UST: variants seen among roughly 807,000 people sequenced by gnomAD.
The protein encoded by UST is chondroitin sulfate 2-O-sulfotransferase.
Under a neutral mutation model 45.6 loss-of-function variants are expected in UST, and 21 were observed. The observed-to-expected ratio is 0.46, with a 90% CI of 0.33 to 0.66. UST has a LOEUF of 0.66. Ranked by LOEUF, UST falls within the 30% of genes least tolerant of loss-of-function variation. The probability of loss-of-function intolerance (pLI) is 0.02; values close to 1 mark genes in which losing one functional copy is unlikely to be tolerated. For synonymous variants in UST, 215 were observed against 200.6 expected (o/e 1.07, Z -0.61); for missense variants, 463 against 512.4 (o/e 0.90, Z 0.93).
At chr6:148,781,362 T>C (rs950357934) in intron 1 of UST, among the ~76,000 whole-genome samples, 1 of 152,126 alleles carries the variant, frequency 6.6e-6, no homozygotes, top group Non-Finnish European at 1.5e-5. Flanking sequence ...CAACATTGCG[T>C]TAAGCCAAAG....
chr6:149,069,929 C>A (rs922651471), intron 7 of UST, among the ~76,000 whole-genome samples: 3 of 152,182 alleles, frequency 2.0e-5, no homozygotes, highest in Non-Finnish European at 2.9e-5. Flanking sequence ...CACTTGCTGT[C>A]CATTGTTTTT....
intron 1 of UST, among the ~76,000 whole-genome samples, chr6:148,795,670 G>C (rs901598893): frequency 1.3e-5 from 2 of 152,146 alleles, no homozygotes; most frequent in Non-Finnish European, 2.9e-5. Context: ...GCGTGGGTCT[G>C]TAGTCCATGG....
chr6:148,752,247 A>G (rs914828509), intron 1 of UST, among the ~76,000 whole-genome samples: 1 of 152,240 alleles, frequency 6.6e-6, no homozygotes, highest in Admixed American at 6.5e-5. Flanking sequence ...TATCTGTTAC[A>G]AAATAGTTTC....
chr6:148,818,534 T>A (rs1209806292), intron 1 of UST, among the ~76,000 whole-genome samples: 1 of 152,240 alleles, frequency 6.6e-6, no homozygotes, highest in African/African-American at 2.4e-5. Flanking sequence ...AACATTTTAA[T>A]GAGCCAGTGT....
chr6:149,028,057 T>C (rs952892217), intron 7 of UST, among the ~76,000 whole-genome samples: 1 of 152,096 alleles, frequency 6.6e-6, no homozygotes, highest in Non-Finnish European at 1.5e-5. Flanking sequence ...TTCATCAGGC[T>C]GGTCTTGAAC....
chr6:148,850,447 A>G (rs1420089597), intron 1 of UST, among the ~76,000 whole-genome samples: 1 of 152,228 alleles, frequency 6.6e-6, no homozygotes, highest in Admixed American at 6.5e-5. Flanking sequence ...AGAGCAAACT[A>G]ATCAAAAAAG....
intron 1 of UST, among the ~76,000 whole-genome samples, chr6:148,831,067 A>G (rs1226242200): frequency 7.0e-6 from 1 of 142,842 alleles, no homozygotes; most frequent in African/African-American, 2.6e-5. Context: ...AAGAAAGAAA[A>G]GGGGGGGGTG....
chr6:148,903,850 G>C (rs1006092478), intron 2 of UST, among the ~76,000 whole-genome samples: 1 of 152,202 alleles, frequency 6.6e-6, no homozygotes, highest in Non-Finnish European at 1.5e-5. Context: ...AGCCCAAAGA[G>C]GCTGTCAAAG....
chr6:149,006,747 G>A (rs530663424), intron 5 of UST, among the ~76,000 whole-genome samples: 75 of 152,202 alleles, frequency 4.9e-4, no homozygotes, highest in African/African-American at 1.7e-3. Flanking sequence ...CCACAGCCTC[G>A]CCAGCAACTG....
At position 148,780,748 on chromosome 6, in the gene UST, C is replaced by T. The variant is rs570513210; in HGVS notation, c.247+33071C>T. On this transcript the variant is annotated intron_variant, in intron 1 of 7. Transcript: ENST00000367463. ...TTGTGAATAGTCAGCACCATTTTTT[C>T]TGATAACATATGCTTACTTAGTGCC... is the stretch of plus-strand genomic sequence containing the variant. Among the ~76,000 whole-genome samples the T allele has an allele frequency of 5.2e-3, 791 of 152,224 alleles. 4 individuals carry two copies. Among genetic ancestry groups the T allele is most frequent in the Non-Finnish European group, 9.2e-3 (628 of 68,008 alleles).
intron 1 of UST, among the ~76,000 whole-genome samples, chr6:148,813,249 A>G: frequency 6.6e-6 from 1 of 152,198 alleles, no homozygotes; most frequent in Non-Finnish European, 1.5e-5. Flanking sequence ...GAAATGAGAG[A>G]GGGAAACTGC....
At chr6:148,773,583 T>G (rs1466820807) in intron 1 of UST, among the ~76,000 whole-genome samples, 3 of 152,242 alleles carry the variant, frequency 2.0e-5, no homozygotes, top group Non-Finnish European at 4.4e-5. Flanking sequence ...CTGTTTTCTA[T>G]GCACACACAA....
chr6:149,048,116 C>A (rs1776419996), intron 7 of UST, among the ~76,000 whole-genome samples: 1 of 136,772 alleles, frequency 7.3e-6, no homozygotes, highest in African/African-American at 2.9e-5. Context: ...TCCAGATGGT[C>A]TAAAGAGTTC....
chr6:148,933,138 G>A (rs1779954601), intron 2 of UST, among the ~76,000 whole-genome samples: 1 of 152,100 alleles, frequency 6.6e-6, no homozygotes, highest in Non-Finnish European at 1.5e-5. Flanking sequence ...TAGCAAATCA[G>A]GGGTTTCAAA....
intron 1 of UST, among the ~76,000 whole-genome samples, chr6:148,884,813 T>A (rs965781099): frequency 3.9e-5 from 6 of 152,118 alleles, no homozygotes; most frequent in African/African-American, 1.4e-4. Context: ...GTGGTCAGAT[T>A]TGAGTTATAT....
intron 7 of UST, among the ~76,000 whole-genome samples, chr6:149,058,344 C>CGT (rs768018530): frequency 0.011 from 1,384 of 126,710 alleles, 22 homozygotes; most frequent in African/African-American, 0.012. Flanking sequence ...AAAGGAGGAG[C>CGT]ATGTGTGTGT....
chr6:148,962,322 C>T (rs1780677009), intron 4 of UST, among the ~76,000 whole-genome samples: 1 of 152,252 alleles, frequency 6.6e-6, no homozygotes, highest in African/African-American at 2.4e-5. Context: ...AGAGCCATCT[C>T]CTGATGGGAT....
intron 4 of UST, 23 bp downstream of exon 4, chr6:148,953,974 G>C (rs774065245): frequency 1.9e-6 from 3 of 1,557,178 alleles, no homozygotes; most frequent in Admixed American, 1.8e-5. Flanking sequence ...CCAGTTTAAT[G>C]GTTCTTTCAT....
intron 4 of UST, among the ~76,000 whole-genome samples, chr6:148,958,186 T>C (rs766875104): frequency 2.0e-5 from 3 of 151,102 alleles, no homozygotes; most frequent in Admixed American, 6.5e-5. Flanking sequence ...CTACTTCGTT[T>C]TTTTTCACCT....
Sources: allele counts gnomAD v4.1 joint callset (sites outside exome capture counted in the v4.1 genomes callset), GRCh38; gene constraint gnomAD v4.1.1; transcripts MANE v1.5; gene names NCBI Gene and HGNC (gene_info 2026-07-23, HGNC 2026-07-21).